The following RBFOX1 variants were observed in gnomAD, a reference collection of about 807,000 sequenced individuals.
RBFOX1 encodes RNA binding protein fox-1 homolog 1.
In RBFOX1, 8 loss-of-function variants were observed where a neutral mutation model predicts 57.7. That is an observed-to-expected ratio of 0.14 (90% CI 0.08 to 0.25). RBFOX1 has a LOEUF of 0.25. RBFOX1 is among the 10% of genes least tolerant of loss of function. RBFOX1 has a pLI of 1.00. For missense variants in RBFOX1, 611 were observed against 548.5 expected (o/e 1.11, Z -1.14); for synonymous variants, 326 against 222.4 (o/e 1.47, Z -4.15).
At position 6,097,859 on chromosome 16, in the gene RBFOX1, G is replaced by A. The variant is rs949471475; in HGVS notation, c.-127+77867G>A. On this transcript the variant is annotated intron_variant, in intron 1 of 15. Coordinates refer to ENST00000550418, the MANE Select transcript of RBFOX1 (RefSeq NM_018723.4). This position sits in a 1 kb window ranked among gnomAD's most constrained non-coding sequence, Gnocchi z 5.0. ...TGGAAGTCCCTTGGAAGTGGGGGACGTGTCTGATTTGTGCATGGCTATTTT... is the reference window on the plus strand; with the variant it reads ...TGGAAGTCCCTTGGAAGTGGGGGACATGTCTGATTTGTGCATGGCTATTTT... 3.3e-5 allele frequency among the ~76,000 whole-genome samples: 5 copies of A among 151,844 alleles called. No individual in the cohort carries two copies. The highest frequency in any genetic ancestry group is 1.2e-4 in the African/African-American group (5 of 41,304).
At chr16:5,647,234 C>T (rs1307790968) in intron 3 of RBFOX1, among the ~76,000 whole-genome samples, 1 of 152,122 alleles carries the variant, frequency 6.6e-6, no homozygotes, top group Non-Finnish European at 1.5e-5. Context: ...AACAGTGAGG[C>T]AACAGGAGGT....
At chr16:5,264,262 A>T (rs1401384783) in intron 1 of RBFOX1, among the ~76,000 whole-genome samples, 1 of 152,188 alleles carries the variant, frequency 6.6e-6, no homozygotes, top group African/African-American at 2.4e-5. Flanking sequence ...GAATCAAGCT[A>T]TAAAGAGCCA....
intron 2 of RBFOX1, among the ~76,000 whole-genome samples, chr16:5,529,262 A>G (rs1219036443): frequency 6.6e-6 from 1 of 151,976 alleles, no homozygotes. Context: ...TCCCCTCCCA[A>G]ATTCATTTGT....
intron 4 of RBFOX1, among the ~76,000 whole-genome samples, chr16:7,331,573 A>C (rs2144309595): frequency 6.6e-6 from 1 of 152,302 alleles, no homozygotes; most frequent in Non-Finnish European, 1.5e-5. Flanking sequence ...ATCATCAGGA[A>C]AACAGGGAAT....
chr16:6,180,925 C>G (rs556347940), intron 1 of RBFOX1, among the ~76,000 whole-genome samples: 1 of 152,140 alleles, frequency 6.6e-6, no homozygotes, highest in East Asian at 1.9e-4. Flanking sequence ...GCTTAAAGAC[C>G]AGCCAAAAAT....
intron 1 of RBFOX1, among the ~76,000 whole-genome samples, chr16:5,313,823 C>A (rs2064157483): frequency 2.0e-5 from 3 of 149,314 alleles, no homozygotes; most frequent in South Asian, 2.2e-4. Context: ...GTGGGAATTA[C>A]AATCAAAGAT....
chr16:7,576,180 TGCCAAAGTGCTG>T (rs1329605538), intron 5 of RBFOX1, among the ~76,000 whole-genome samples: 1 of 151,944 alleles, frequency 6.6e-6, no homozygotes, highest in Non-Finnish European at 1.5e-5. Context: ...CACCTTAGCC[TGCCAAAGTGCTG>T]GGATTACAGG....
chr16:7,224,442 C>A (rs929931574), intron 4 of RBFOX1, among the ~76,000 whole-genome samples: 1 of 152,174 alleles, frequency 6.6e-6, no homozygotes, highest in African/African-American at 2.4e-5. Context: ...TACCAAGCAT[C>A]ACCAGCCCAG....
chr16:7,162,883 G>A (rs1466018878), intron 4 of RBFOX1, among the ~76,000 whole-genome samples: 2 of 152,206 alleles, frequency 1.3e-5, no homozygotes, highest in East Asian at 3.9e-4. Flanking sequence ...GTATTCCCTG[G>A]TCCTCCTTCC....
At chr16:6,805,697 A>G (rs973676184) in intron 3 of RBFOX1, among the ~76,000 whole-genome samples, 2 of 149,814 alleles carry the variant, frequency 1.3e-5, no homozygotes, top group Non-Finnish European at 2.9e-5. Context: ...TATCCTTACC[A>G]TCTTGTCCAT....
intron 3 of RBFOX1, among the ~76,000 whole-genome samples, chr16:7,034,006 A>G (rs1292392420): frequency 6.6e-6 from 1 of 152,182 alleles, no homozygotes; most frequent in Admixed American, 6.5e-5. Context: ...ATTTAATTCA[A>G]TACTTAGTGA....
Position 7,109,974 on chromosome 16 carries a change from G to T in RBFOX1, c.27+57876G>T, listed in dbSNP as rs199646311. ...TGTGATAGGGGTTATTAAGGACACT[G>T]CAGAGTAAAACAAACAAGCCTGATT... On this transcript the variant is annotated intron_variant, in intron 4 of 15. Transcript: ENST00000550418. Among the ~76,000 whole-genome samples the T allele has an allele frequency of 4.6e-5, 7 of 152,232 alleles. No homozygotes were observed. The East Asian group carries it at 1.4e-3, about 29-fold the overall frequency.
At chr16:6,830,124 C>G (rs1260365514) in intron 3 of RBFOX1, among the ~76,000 whole-genome samples, 1 of 151,826 alleles carries the variant, frequency 6.6e-6, no homozygotes, top group Non-Finnish European at 1.5e-5. Flanking sequence ...ACCATGTTGG[C>G]CAGGCTGGTC....
intron 1 of RBFOX1, among the ~76,000 whole-genome samples, chr16:6,254,716 C>A (rs950164111): frequency 2.6e-5 from 4 of 152,102 alleles, no homozygotes; most frequent in South Asian, 2.1e-4. Flanking sequence ...AATTTTAAAG[C>A]ATTTTGAAAA....
At chr16:6,078,389 C>T (rs556064827) in intron 1 of RBFOX1, among the ~76,000 whole-genome samples, 1 of 151,708 alleles carries the variant, frequency 6.6e-6, no homozygotes, top group Middle Eastern at 3.2e-3. Flanking sequence ...TTCTTACAAC[C>T]TTATGAGACG....
intron 4 of RBFOX1, among the ~76,000 whole-genome samples, chr16:7,447,543 G>C (rs1455446367): frequency 1.3e-5 from 2 of 151,816 alleles, no homozygotes; most frequent in Non-Finnish European, 2.9e-5. Flanking sequence ...GGTCTCTGAA[G>C]CCTAAGCCCA....
intron 1 of RBFOX1, among the ~76,000 whole-genome samples, chr16:6,187,116 T>G (rs2097110180): frequency 6.6e-6 from 1 of 152,214 alleles, no homozygotes; most frequent in Admixed American, 6.5e-5. Context: ...GAGACACTTT[T>G]ATCGTAGATG....
At chr16:7,098,548 C>T (rs949947628) in intron 4 of RBFOX1, among the ~76,000 whole-genome samples, 12 of 152,202 alleles carry the variant, frequency 7.9e-5, no homozygotes, top group Admixed American at 6.5e-5. Flanking sequence ...AAATGTAACA[C>T]ACACACATCA....
At position 5,308,484 on chromosome 16, in the gene RBFOX1, G is replaced by C. The variant is rs116380622; in HGVS notation, c.219+68379G>C. ...TTGCCAGTTCTTGACTGATCTGACT[G>C]ATCAATTTCAGTCATTATTAATTCA... On this transcript the variant is annotated intron_variant, in intron 1 of 2. Transcript: ENST00000585867. 3.7e-3 allele frequency among the ~76,000 whole-genome samples: 560 copies of C among 152,248 alleles called. 3 individuals are homozygous for C. The highest frequency in any genetic ancestry group is 0.012 in the African/African-American group (519 of 41,538).
Sources: allele counts gnomAD v4.1 joint callset (sites outside exome capture counted in the v4.1 genomes callset), GRCh38; gene constraint gnomAD v4.1.1; non-coding constraint Gnocchi (gnomAD v3.1); transcripts MANE v1.5; gene names NCBI Gene and HGNC (gene_info 2026-07-23, HGNC 2026-07-21).